Variants in OTOF observed in about 807,000 individuals in gnomAD.
OTOF encodes otoferlin.
Under a neutral mutation model 236.8 loss-of-function variants are expected in OTOF, and 218 were observed. The observed-to-expected ratio is 0.92, with a 90% CI of 0.82 to 1.03. The LOEUF (loss-of-function observed/expected upper bound fraction) is 1.03. Among genes scored for constraint, OTOF ranks in the 50% least tolerant of loss-of-function variants. The pLI is 0.00. For missense variants in OTOF, 2,590 were observed against 2,694.4 expected, an observed-to-expected ratio of 0.96 and a Z score of 0.86; for synonymous variants, 1,041 against 1,072.5, an observed-to-expected ratio of 0.97 and a Z score of 0.57.
At chr2:26,498,723 C>T (rs1359734308) in intron 8 of OTOF, among the ~76,000 whole-genome samples, 2 of 152,184 alleles carry the variant, frequency 1.3e-5, no homozygotes, top group East Asian at 3.8e-4. Context: ...CCTGGGAAAA[C>T]CCGAGAGTAA....
In OTOF at chr2:26,532,324, A is replaced by C. The variant is rs150959292; in HGVS notation, c.139-4404T>G. Among the ~76,000 whole-genome samples the C allele has an allele frequency of 2.8e-3, 431 of 152,256 alleles. 9 individuals are homozygous for C. In the South Asian group the frequency reaches 0.036, roughly 13 times the overall value. ...TTCAAACTCAAGTCTCAGGATGCTT[A>C]GTCTGGAGTTCAGTCCTCAGGGCTT... On this transcript the variant is annotated intron_variant, in intron 2 of 46. Coordinates refer to ENST00000272371, the MANE Select transcript of OTOF (RefSeq NM_194248.3).
chr2:26,518,946 G>C, intron 4 of OTOF, 64 bp downstream of exon 4: 6 of 1,147,744 alleles, frequency 5.2e-6, no homozygotes, highest in Non-Finnish European at 7.8e-6. Context: ...GTGTGAGGCA[G>C]GGAGAACAGA....
At chr2:26,547,347 A>T (rs571862237) in intron 1 of OTOF, among the ~76,000 whole-genome samples, 1 of 152,156 alleles carries the variant, frequency 6.6e-6, no homozygotes, top group Admixed American at 6.5e-5. Context: ...TATTCTTTTC[A>T]TATATTGCTA....
chr2:26,467,620 T>A, intron 33 of OTOF, 119 bp from the exon 34 acceptor site: 2 of 1,268,384 alleles, frequency 1.6e-6, no homozygotes, highest in South Asian at 1.3e-5. Context: ...GTCCATGTGC[T>A]GTCAAATGCA....
At chr2:26,519,659 C>T (rs1666627781) in intron 3 of OTOF, among the ~76,000 whole-genome samples, 1 of 152,214 alleles carries the variant, frequency 6.6e-6, no homozygotes, top group Non-Finnish European at 1.5e-5. Context: ...CTTTGGTTAA[C>T]AGCACAGTCC....
Position 26,479,636 on chromosome 2 carries a change from C to T in OTOF, c.1930G>A (p.Val644Ile), listed in dbSNP as rs727505153. The T allele has an allele frequency of 5.0e-6, 8 of 1,612,504 alleles. No homozygotes were observed. The highest frequency in any genetic ancestry group is 6.8e-6 in the Non-Finnish European group (8 of 1,179,772). Reference protein sequence around the residue: ...EVTIGNYGNEVDGLSRPQRPR... With the variant: ...EVTIGNYGNEIDGLSRPQRPR... ...CGCTGGGGCCGGGACAGGCCATCAA[C>T]TTCGTTCCCATAGTTGCCTGGAGCA... The change falls in exon 17 of 47, where the codon GTT (valine) becomes ATT (isoleucine). Residue 644 changes from valine (V) to isoleucine (I), a missense_variant. Physicochemically the swap from Val to Ile is conservative, Grantham distance 29. Coordinates refer to ENST00000272371, the MANE Select transcript of OTOF (RefSeq NM_194248.3).
chr2:26,529,701 A>T (rs973982901), intron 2 of OTOF, among the ~76,000 whole-genome samples: 66 of 151,542 alleles, frequency 4.4e-4, no homozygotes, highest in African/African-American at 1.6e-3. Context: ...TCTCAGGAAA[A>T]CGGCCTTTGT....
In OTOF at chr2:26,502,804, C is replaced by T. The variant is rs78920671; in HGVS notation, c.584-378G>A. Among the ~76,000 whole-genome samples the T allele has an allele frequency of 8.9e-4, 135 of 152,344 alleles. 1 individual carries two copies. The East Asian group carries it at 0.022, about 25-fold the overall frequency. ...TTCCAGGCACAACACCAGGACTTTACATGACTATCTCTAGTCCTTAGAGCT... is the reference window on the plus strand; with the variant it reads ...TTCCAGGCACAACACCAGGACTTTATATGACTATCTCTAGTCCTTAGAGCT... On this transcript the variant is annotated intron_variant, in intron 6 of 46. Transcript: ENST00000272371.
intron 1 of OTOF, among the ~76,000 whole-genome samples, chr2:26,538,102 T>C (rs868290624): frequency 3.3e-5 from 5 of 152,216 alleles, no homozygotes; most frequent in Non-Finnish European, 7.4e-5. Context: ...TCTTCCTCCA[T>C]GGATCTCTCA....
Position 26,460,894 on chromosome 2 carries a change from C to T in OTOF, c.5670G>A (p.Trp1890Ter). ...IFKQKRVKGW[W>*]PLLARNENDE... ...CGTTCTCATTGCGGGCCAGGAGGGG[C>T]CACCAGCCTTTGACGCGCTTTTGCT... Residue 1890 changes from tryptophan to a stop codon, truncating the protein, a stop_gained, in exon 44 of 47, where the codon TGG becomes TGA. Transcript: ENST00000272371. LOFTEE classifies it high-confidence loss of function. The surrounding 1 kb of genome is among the most constrained non-coding windows in gnomAD (Gnocchi z 5.3). 1 of 1,614,186 alleles carries T rather than the reference C, an allele frequency of 6.2e-7. No homozygotes were observed. Among genetic ancestry groups the T allele is most frequent in the Non-Finnish European group, 8.5e-7 (1 of 1,180,022 alleles).
chr2:26,528,680 G>A (rs529183351), intron 2 of OTOF, among the ~76,000 whole-genome samples: 131 of 152,202 alleles, frequency 8.6e-4, no homozygotes, highest in Non-Finnish European at 1.5e-3. Flanking sequence ...GCCCCATTCT[G>A]TAAAAAGCTG....
chr2:26,553,054 G>A (rs1313603606), intron 1 of OTOF, among the ~76,000 whole-genome samples: 8 of 152,082 alleles, frequency 5.3e-5, no homozygotes, highest in African/African-American at 2.4e-5. Context: ...CAAGAGGGAG[G>A]GCTCCCTCAT....
chr2:26,541,800 G>A (rs928291505), intron 1 of OTOF, among the ~76,000 whole-genome samples: 3 of 152,220 alleles, frequency 2.0e-5, no homozygotes, highest in African/African-American at 7.2e-5. Context: ...GGAAAATGGA[G>A]AATAAAGCTT....
At chr2:26,517,068 G>A (rs2148099410) in intron 4 of OTOF, among the ~76,000 whole-genome samples, 1 of 152,310 alleles carries the variant, frequency 6.6e-6, no homozygotes, top group East Asian at 1.9e-4. Context: ...GTGGCCTCCG[G>A]GAGAGGAGCC....
In OTOF at chr2:26,477,913, C is replaced by G; in HGVS notation, c.2215-164G>C. ...CATCATGAGGAAGTCATCAATTTCC[C>G]AGGTTCTGTTCTCAGAACCTGGAGA... is the stretch of plus-strand genomic sequence containing the variant. On this transcript the variant is annotated intron_variant, in intron 18 of 46. Transcript: ENST00000272371. The surrounding 1 kb of genome is among the most constrained non-coding windows in gnomAD (Gnocchi z 4.7). 1 of 1,528,002 alleles carries G rather than the reference C, an allele frequency of 6.5e-7. No individual in the cohort carries two copies. The highest frequency in any genetic ancestry group is 1.4e-5 in the African/African-American group (1 of 71,498). 94.7% of individuals were successfully genotyped at this position (1,528,002 alleles called of 1,614,324 possible).
At position 26,487,062 on chromosome 2, in the gene OTOF, G is replaced by A. The variant is rs556963340; in HGVS notation, c.1045+2149C>T. Among the ~76,000 whole-genome samples the A allele has an allele frequency of 4.6e-5, 7 of 152,320 alleles. No homozygotes were observed. In the South Asian group the frequency reaches 1.5e-3, roughly 32 times the overall value. ...CACCCCCAACAGAGAGTAGCAAACA[G>A]TAAACAGTTTCCTGATGTTGCATCT... On this transcript the variant is annotated intron_variant, in intron 11 of 46. Transcript: ENST00000272371.
chr2:26,521,604 T>A (rs1400831664), intron 3 of OTOF, among the ~76,000 whole-genome samples: 1 of 152,238 alleles, frequency 6.6e-6, no homozygotes, highest in East Asian at 1.9e-4. Flanking sequence ...GGGCTGTCAC[T>A]GGTAGTCCAT....
At chr2:26,525,568 ATC>A (rs1666781028) in intron 3 of OTOF, among the ~76,000 whole-genome samples, 1 of 152,158 alleles carries the variant, frequency 6.6e-6, no homozygotes, top group Admixed American at 6.5e-5. Flanking sequence ...TCAATACCTC[ATC>A]TCAGTATCTC....
chr2:26,479,239 T>C, intron 18 of OTOF, 25 bp downstream of exon 18: 1 of 1,611,636 alleles, frequency 6.2e-7, no homozygotes, highest in Non-Finnish European at 8.5e-7. Context: ...ACCCCACCCC[T>C]GCTGGCCCCT....
Sources: gnomAD v4.1 joint callset for allele counts (sites outside exome capture counted in the v4.1 genomes callset) on GRCh38, gnomAD v4.1.1 for gene constraint, Gnocchi (gnomAD v3.1) non-coding constraint, MANE v1.5 for transcripts, NCBI Gene and HGNC (gene_info 2026-07-23, HGNC 2026-07-21) for gene names.